Variants in NPSR1 observed in about 807,000 individuals in gnomAD.
NPSR1 encodes neuropeptide S receptor 1, also known as neuropeptide S receptor.
Under a neutral mutation model 46.9 loss-of-function variants are expected in NPSR1, and 48 were observed. The ratio of observed to expected loss-of-function variants is 1.02; its 90% CI spans 0.81 to 1.30. The LOEUF is 1.30. Ranked by LOEUF, NPSR1 falls within the 50% of genes most tolerant of loss-of-function variation. NPSR1 has a pLI of 0.00. For missense variants in NPSR1, 450 were observed against 449.5 expected (o/e 1.00, Z -0.01); for synonymous variants, 176 against 168.1 (o/e 1.05, Z -0.36).
chr7:34,867,635 CCAGGAGCAA>C (rs2128769282), intron 8 of NPSR1, among the ~76,000 whole-genome samples: 1 of 151,938 alleles, frequency 6.6e-6, no homozygotes, highest in Admixed American at 6.5e-5. Context: ...CGATATCACC[CCAGGAGCAA>C]CAGGGATGAT....
intron 2 of NPSR1, among the ~76,000 whole-genome samples, chr7:34,721,132 TAAGA>T (rs1783836269): frequency 6.6e-6 from 1 of 152,034 alleles, no homozygotes; most frequent in Non-Finnish European, 1.5e-5. Context: ...AATAGGATGG[TAAGA>T]AAGAACAAGA....
intron 2 of NPSR1, among the ~76,000 whole-genome samples, chr7:34,693,315 C>A (rs1357542754): frequency 7.7e-6 from 1 of 130,650 alleles, no homozygotes; most frequent in Non-Finnish European, 1.6e-5. Flanking sequence ...AGTGAAATTA[C>A]AACTGATACT....
chr7:34,779,594 C>T (rs752433458), intron 3 of NPSR1: 3 of 1,280,654 alleles, frequency 2.3e-6, no homozygotes, highest in South Asian at 4.7e-5. Context: ...GGAATAGTTA[C>T]AATCTTCTTT....
intron 2 of NPSR1, among the ~76,000 whole-genome samples, chr7:34,774,024 T>C (rs1786819042): frequency 6.6e-6 from 1 of 152,206 alleles, no homozygotes; most frequent in Non-Finnish European, 1.5e-5. Context: ...GCTAGACTAT[T>C]GGCTACTGTG....
At chr7:34,671,511 C>G (rs184124038) in intron 1 of NPSR1, among the ~76,000 whole-genome samples, 2 of 152,240 alleles carry the variant, frequency 1.3e-5, no homozygotes, top group Admixed American at 6.5e-5. Context: ...CTTGCATGAC[C>G]CAGAGAGCAC....
chr7:34,711,095 CT>C, intron 2 of NPSR1: 1 of 307,196 alleles, frequency 3.3e-6, no homozygotes, highest in South Asian at 3.7e-5. Flanking sequence ...GCTTCTTCGC[CT>C]TTGTCAGATC....
chr7:34,838,899 G>A (rs1224311720), intron 6 of NPSR1, among the ~76,000 whole-genome samples: 1 of 152,122 alleles, frequency 6.6e-6, no homozygotes, highest in Non-Finnish European at 1.5e-5. Flanking sequence ...GTGTACCCAT[G>A]GAACAGACAA....
chr7:34,808,682 A>G (rs757062167), intron 3 of NPSR1, among the ~76,000 whole-genome samples: 1 of 152,140 alleles, frequency 6.6e-6, no homozygotes. Context: ...ATAAAATATT[A>G]TATTTTCTTC....
intron 1 of NPSR1, chr7:34,660,238 T>C (rs35461067): frequency 0.019 from 8,454 of 456,448 alleles, 121 homozygotes; most frequent in Middle Eastern, 0.061. Flanking sequence ...AAGACAGGAA[T>C]TGTGTTTGGC....
chr7:34,815,187 G>T (rs918867470), intron 4 of NPSR1, among the ~76,000 whole-genome samples: 2 of 152,132 alleles, frequency 1.3e-5, no homozygotes, highest in African/African-American at 4.8e-5. Flanking sequence ...ATGGTTAGAC[G>T]AATGGCTAAA....
At chr7:34,745,460 G>C (rs1785154380) in intron 2 of NPSR1, among the ~76,000 whole-genome samples, 1 of 151,982 alleles carries the variant, frequency 6.6e-6, no homozygotes, top group Non-Finnish European at 1.5e-5. Flanking sequence ...TAGTCAATTA[G>C]AGAATTCCTC....
At chr7:34,841,142 TA>T (rs1254647578) in intron 6 of NPSR1, among the ~76,000 whole-genome samples, 1 of 152,246 alleles carries the variant, frequency 6.6e-6, no homozygotes, top group Non-Finnish European at 1.5e-5. Context: ...ATATTTATTT[TA>T]AAATATTGCC....
chr7:34,852,319 G>C (rs1221692649), downstream of NPSR1, among the ~76,000 whole-genome samples: 2 of 151,966 alleles, frequency 1.3e-5, no homozygotes, highest in South Asian at 4.1e-4. Context: ...GAGAAAGAGA[G>C]AAAGAGAGAG....
intron 1 of NPSR1, among the ~76,000 whole-genome samples, chr7:34,674,933 C>T (rs1235995822): frequency 6.6e-6 from 1 of 152,140 alleles, no homozygotes; most frequent in Admixed American, 6.5e-5. Flanking sequence ...GATTTGTCTC[C>T]CCCTTGAAAA....
chr7:34,802,559 A>T (rs1483317727), intron 3 of NPSR1, among the ~76,000 whole-genome samples: 1 of 149,640 alleles, frequency 6.7e-6, no homozygotes, highest in Admixed American at 6.6e-5. Context: ...TCATACAAAA[A>T]TCAATTCAAG....
intron 4 of NPSR1, among the ~76,000 whole-genome samples, chr7:34,824,427 C>T (rs1488698065): frequency 6.6e-6 from 1 of 152,122 alleles, no homozygotes; most frequent in Non-Finnish European, 1.5e-5. Flanking sequence ...ATCCTGGATC[C>T]TTCAGCCCTG....
intron 1 of NPSR1, among the ~76,000 whole-genome samples, chr7:34,665,192 CA>C (rs1219817744): frequency 6.6e-6 from 1 of 152,162 alleles, no homozygotes; most frequent in Non-Finnish European, 1.5e-5. Flanking sequence ...CAGTAAAAAA[CA>C]AACCCTAAAT....
intron 8 of NPSR1, among the ~76,000 whole-genome samples, chr7:34,873,238 A>T (rs1360992529): frequency 6.6e-6 from 1 of 151,730 alleles, no homozygotes; most frequent in East Asian, 1.9e-4. Context: ...CAAGTTGCAA[A>T]CTTTCCTTCA....
Position 34,658,238 on chromosome 7 carries a change from C to G in NPSR1, c.-175C>G. Reference sequence around the variant, plus strand: ...CTGGTGGTAATTGCCAAGGAGAGAGCAGCACGTAGATCCTCCCTGTCATCA... The same window carrying G: ...CTGGTGGTAATTGCCAAGGAGAGAGGAGCACGTAGATCCTCCCTGTCATCA... On this transcript the variant is annotated 5_prime_UTR_variant, in exon 1 of 9. Transcript: ENST00000360581. 1.6e-6 allele frequency: 1 copy of G among 638,618 alleles called. No individual in the cohort carries two copies. Among genetic ancestry groups the G allele is most frequent in the Admixed American group, 3.0e-5 (1 of 33,684 alleles). The allele number at this position is 638,618 out of a possible 1,614,324, so 39.6% of individuals were successfully genotyped here.
Sources: gnomAD v4.1 joint callset for allele counts (sites outside exome capture counted in the v4.1 genomes callset) on GRCh38, gnomAD v4.1.1 for gene constraint, MANE v1.5 for transcripts, NCBI Gene and HGNC (gene_info 2026-07-23, HGNC 2026-07-21) for gene names.